The following ARHGAP26 variants were observed in gnomAD, a reference collection of about 807,000 sequenced individuals.
The protein encoded by ARHGAP26 is Rho GTPase activating protein 26, also known as rho GTPase-activating protein 26.
In ARHGAP26, 38 loss-of-function variants were observed where a neutral mutation model predicts 104.8. The ratio of observed to expected loss-of-function variants is 0.36; its 90% CI spans 0.28 to 0.48. The LOEUF is 0.48. Ranked by LOEUF, ARHGAP26 falls within the 20% of genes least tolerant of loss-of-function variation. ARHGAP26 has a pLI of 0.99. For missense variants in ARHGAP26, 704 were observed against 947.9 expected (o/e 0.74, Z 3.38); for synonymous variants, 341 against 340.0 (o/e 1.00, Z -0.03).
rs1795990125 is a variant in ARHGAP26 at position 143,120,329 on chromosome 5, G to C, written c.1539-659G>C. ...GGGTCAGCGACTGTTGACCCTGTGT[G>C]TTTGTTAGACTTTGAGTGTAAGTGA... is the stretch of plus-strand genomic sequence containing the variant. On this transcript the variant is annotated intron_variant, in intron 17 of 22. Transcript: ENST00000645722. 2.0e-5 allele frequency among the ~76,000 whole-genome samples: 3 copies of C among 152,106 alleles called. No individual in the cohort carries two copies. The South Asian group carries it at 6.2e-4, about 32-fold the overall frequency.
intron 18 of ARHGAP26, among the ~76,000 whole-genome samples, chr5:143,123,958 A>C: frequency 6.8e-6 from 1 of 147,460 alleles, no homozygotes; most frequent in East Asian, 2.0e-4. Context: ...AATTTTCTGT[A>C]ATAGAAACAC....
At chr5:142,836,384 C>G (rs1462554118) in intron 1 of ARHGAP26, among the ~76,000 whole-genome samples, 1 of 152,168 alleles carries the variant, frequency 6.6e-6, no homozygotes, top group African/African-American at 2.4e-5. Flanking sequence ...GTTCCTTTTT[C>G]CCAATGCCAG....
intron 11 of ARHGAP26, among the ~76,000 whole-genome samples, chr5:142,988,774 G>A (rs1272461041): frequency 6.6e-6 from 1 of 152,188 alleles, no homozygotes; most frequent in Non-Finnish European, 1.5e-5. Context: ...GGAGCAGGTT[G>A]TTCAGTTTCC....
intron 17 of ARHGAP26, among the ~76,000 whole-genome samples, chr5:143,118,454 A>T (rs1313020371): frequency 6.6e-6 from 1 of 152,158 alleles, no homozygotes; most frequent in Non-Finnish European, 1.5e-5. Context: ...GCTGTTTTAT[A>T]AGAGTTCAGT....
intron 20 of ARHGAP26, among the ~76,000 whole-genome samples, chr5:143,189,187 C>T (rs1465790179): frequency 1.3e-5 from 2 of 152,164 alleles, no homozygotes; most frequent in African/African-American, 4.8e-5. Context: ...AAAATAGGAC[C>T]CTTTCCATTA....
At chr5:142,932,465 G>A (rs970370281) in intron 11 of ARHGAP26, among the ~76,000 whole-genome samples, 2 of 152,196 alleles carry the variant, frequency 1.3e-5, no homozygotes, top group Non-Finnish European at 2.9e-5. Flanking sequence ...GGAGGGAGGT[G>A]AGCCTGGTAA....
At chr5:143,205,278 G>T (rs549810727) in intron 20 of ARHGAP26, among the ~76,000 whole-genome samples, 1 of 151,984 alleles carries the variant, frequency 6.6e-6, no homozygotes, top group African/African-American at 2.4e-5. Context: ...ATCATTTATT[G>T]TATTGAACAT....
intron 1 of ARHGAP26, among the ~76,000 whole-genome samples, chr5:142,785,431 C>T (rs1318333062): frequency 6.6e-6 from 1 of 152,238 alleles, no homozygotes; most frequent in Non-Finnish European, 1.5e-5. Context: ...AATGCACACT[C>T]ACTGCCGAGG....
chr5:143,185,505 G>C (rs1279608678), intron 20 of ARHGAP26, among the ~76,000 whole-genome samples: 2 of 152,190 alleles, frequency 1.3e-5, no homozygotes, highest in Admixed American at 6.5e-5. Flanking sequence ...AGCTGGCTCT[G>C]AATATTTGAA....
rs1038796864 is a variant in ARHGAP26, at chr5:142,771,048, C to T, written c.154+133C>T. The T allele has an allele frequency of 3.6e-6, 5 of 1,404,008 alleles. No individual in the cohort carries two copies. The African/African-American group carries it at 5.9e-5, about 17-fold the overall frequency. The allele number at this position is 1,404,008 out of a possible 1,614,324, so 87.0% of individuals were successfully genotyped here. The stretch of plus-strand genomic sequence containing the variant: ...ACTGGGGGACGGGTGTCGACGCCTC[C>T]GAGGCAGGAAGGATACGTAAAGCGG... On this transcript the variant is annotated intron_variant, in intron 1 of 22. Coordinates refer to ENST00000645722, the MANE Select transcript of ARHGAP26 (RefSeq NM_001135608.3).
chr5:143,030,874 T>C (rs1194155710), intron 12 of ARHGAP26, among the ~76,000 whole-genome samples: 1 of 152,274 alleles, frequency 6.6e-6, no homozygotes, highest in Admixed American at 6.5e-5. Flanking sequence ...ATTGCCCTCA[T>C]GAATAAGTAT....
At chr5:142,968,243 C>G (rs1289330029) in intron 11 of ARHGAP26, among the ~76,000 whole-genome samples, 1 of 152,166 alleles carries the variant, frequency 6.6e-6, no homozygotes, top group Non-Finnish European at 1.5e-5. Flanking sequence ...TAAATTCACA[C>G]AGCTAATAAA....
chr5:143,226,337 C>T lies in ARHGAP26; in HGVS notation c.*3891C>T, dbSNP rs557426157. 4.0e-5 allele frequency: 7 copies of T among 175,188 alleles called. No homozygotes were observed. The highest frequency in any genetic ancestry group is 2.2e-3 in the Middle Eastern group (1 of 450). 10.9% of individuals were successfully genotyped at this position (175,188 alleles called of 1,614,324 possible). On this transcript the variant is annotated 3_prime_UTR_variant, in exon 23 of 23. Transcript: ENST00000645722. ...TCTACTAAAAATACAAAAAATTAGCCGGGTGTGGTGGCGGGCGCCTGTAGT... is the reference window on the plus strand; with the variant it reads ...TCTACTAAAAATACAAAAAATTAGCTGGGTGTGGTGGCGGGCGCCTGTAGT...
At chr5:142,888,264 C>T (rs1758003000) in intron 5 of ARHGAP26, among the ~76,000 whole-genome samples, 1 of 152,210 alleles carries the variant, frequency 6.6e-6, no homozygotes, top group African/African-American at 2.4e-5. Context: ...CCTTTCCCTT[C>T]ACCCAGTTTG....
chr5:142,933,505 A>G (rs532396659), intron 11 of ARHGAP26, among the ~76,000 whole-genome samples: 1 of 152,290 alleles, frequency 6.6e-6, no homozygotes, highest in Non-Finnish European at 1.5e-5. Context: ...TATGTAAGAT[A>G]GATAAGTGTA....
At chr5:142,873,549 A>C in intron 2 of ARHGAP26, 54 bp downstream of exon 2, 1 of 1,272,780 alleles carries the variant, frequency 7.9e-7, no homozygotes, top group Non-Finnish European at 1.1e-6. Context: ...CATAGCCTTC[A>C]GTGTCCCAGC....
intron 13 of ARHGAP26, among the ~76,000 whole-genome samples, chr5:143,038,555 T>A (rs1371000815): frequency 6.6e-6 from 1 of 152,118 alleles, no homozygotes; most frequent in South Asian, 2.1e-4. Context: ...ACCGTGGTGA[T>A]GTTAAGGTAC....
chr5:143,183,443 A>C (rs948327734), intron 20 of ARHGAP26, among the ~76,000 whole-genome samples: 1 of 152,148 alleles, frequency 6.6e-6, no homozygotes, highest in South Asian at 2.1e-4. Context: ...TCTTAGTACT[A>C]TTAGCTCATC....
At chr5:142,777,492 T>C (rs959605258) in intron 1 of ARHGAP26, among the ~76,000 whole-genome samples, 1 of 152,238 alleles carries the variant, frequency 6.6e-6, no homozygotes, top group African/African-American at 2.4e-5. Context: ...TTTCTAAAAA[T>C]TAGCCAGTGG....
Sources: allele counts gnomAD v4.1 joint callset (sites outside exome capture counted in the v4.1 genomes callset), GRCh38; gene constraint gnomAD v4.1.1; transcripts MANE v1.5; gene names NCBI Gene and HGNC (gene_info 2026-07-23, HGNC 2026-07-21).